PID1: variants seen among roughly 807,000 people sequenced by gnomAD.
PID1 encodes PTB-containing, cubilin and LRP1-interacting protein.
Under a neutral mutation model 19.1 loss-of-function variants are expected in PID1, and 10 were observed. The observed-to-expected ratio is 0.52, with a 90% CI of 0.32 to 0.89. The LOEUF is 0.89. Ranked by LOEUF, PID1 falls within the 40% of genes least tolerant of loss-of-function variation. The probability of loss-of-function intolerance (pLI) is 0.03; values close to 1 mark genes in which losing one functional copy is unlikely to be tolerated. For missense variants in PID1, 248 were observed against 285.3 expected (o/e 0.87, Z 0.94); for synonymous variants, 130 against 116.0 (o/e 1.12, Z -0.78).
At chr2:229,270,957 C>T in intron 1 of PID1, 57 bp downstream of exon 1, 4 of 1,474,098 alleles carry the variant, frequency 2.7e-6, no homozygotes, top group Non-Finnish European at 2.7e-6. Flanking sequence ...AAACTAGGTT[C>T]CTCTGCCCGG....
At chr2:229,204,393 G>C (rs1258774319) in intron 1 of PID1, among the ~76,000 whole-genome samples, 1 of 152,062 alleles carries the variant, frequency 6.6e-6, no homozygotes, top group Admixed American at 6.6e-5. Context: ...CATATACTAA[G>C]TTAATAGTTT....
At chr2:229,166,080 A>T (rs1690591643) in intron 1 of PID1, among the ~76,000 whole-genome samples, 1 of 152,226 alleles carries the variant, frequency 6.6e-6, no homozygotes, top group African/African-American at 2.4e-5. Context: ...AATGTTTCTC[A>T]TCAAGCGAAT....
At chr2:229,232,061 A>C (rs754254032) in intron 1 of PID1, 1 of 1,538,242 alleles carries the variant, frequency 6.5e-7, no homozygotes, top group Non-Finnish European at 8.8e-7. Context: ...ACATGGCACG[A>C]AGCCTCTTGT....
intron 1 of PID1, chr2:229,231,821 C>T (rs1160741293): frequency 5.3e-6 from 8 of 1,515,090 alleles, no homozygotes; most frequent in Admixed American, 2.0e-5. Context: ...AACCTACTTC[C>T]CACTCCTCTT....
At chr2:229,052,146 T>A (rs947843474) in intron 2 of PID1, among the ~76,000 whole-genome samples, 1 of 152,170 alleles carries the variant, frequency 6.6e-6, no homozygotes, top group Admixed American at 6.5e-5. Context: ...TTTAACAACG[T>A]TATAGTGCCA....
At chr2:229,192,183 T>A (rs781529669) in intron 1 of PID1, among the ~76,000 whole-genome samples, 3 of 152,210 alleles carry the variant, frequency 2.0e-5, no homozygotes, top group Non-Finnish European at 2.9e-5. Context: ...GCTCTTTCAA[T>A]ACACAACACG....
intron 1 of PID1, among the ~76,000 whole-genome samples, chr2:229,192,113 CA>C (rs914676254): frequency 1.3e-5 from 2 of 151,358 alleles, no homozygotes; most frequent in African/African-American, 2.4e-5. Context: ...AAAGCCAAAC[CA>C]AAAAAATACA....
intron 1 of PID1, among the ~76,000 whole-genome samples, chr2:229,176,444 G>A (rs1035132734): frequency 3.9e-5 from 6 of 152,144 alleles, no homozygotes; most frequent in African/African-American, 1.4e-4. Flanking sequence ...TTCTATTAGG[G>A]AACCAGGCCT....
chr2:229,110,031 G>T (rs1695265164), intron 2 of PID1, among the ~76,000 whole-genome samples: 1 of 152,194 alleles, frequency 6.6e-6, no homozygotes, highest in Non-Finnish European at 1.5e-5. Context: ...CTTTAAGACT[G>T]CTGCCTCCTC....
chr2:229,118,822 A>C (rs1276281705), intron 2 of PID1, among the ~76,000 whole-genome samples: 2 of 152,186 alleles, frequency 1.3e-5, no homozygotes, highest in African/African-American at 2.4e-5. Flanking sequence ...TGTCTTTTTG[A>C]ACAAGAGAAA....
At chr2:229,116,101 C>A (rs1460142103) in intron 2 of PID1, among the ~76,000 whole-genome samples, 1 of 152,006 alleles carries the variant, frequency 6.6e-6, no homozygotes, top group Non-Finnish European at 1.5e-5. Flanking sequence ...GTGGTGGGTG[C>A]CTGTAGTCCC....
At chr2:229,195,366 CATACATATAAACACACATGTATATACAT>C (rs1691353433) in intron 1 of PID1, among the ~76,000 whole-genome samples, 1 of 151,744 alleles carries the variant, frequency 6.6e-6, no homozygotes, top group East Asian at 1.9e-4. Context: ...CACATACACA[CATACATATAAACACACATGTATATACAT>C]ATACATACAT....
chr2:229,084,386 C>T (rs1334018320), intron 2 of PID1, among the ~76,000 whole-genome samples: 1 of 152,082 alleles, frequency 6.6e-6, no homozygotes, highest in Admixed American at 6.6e-5. Context: ...GTTCCTTATG[C>T]CAATAAGTGG....
rs144807863 is a variant in PID1 at position 229,171,310 on chromosome 2, T to C, written c.31-15346A>G. 3.9e-3 allele frequency among the ~76,000 whole-genome samples: 599 copies of C among 152,304 alleles called. 5 individuals carry two copies. Among genetic ancestry groups the C allele is most frequent in the African/African-American group, 0.014 (566 of 41,572 alleles). The stretch of plus-strand genomic sequence containing the variant: ...GCTTCAAGTGGTCAGGAAGGTGACA[T>C]GCCAGAGCTTTGGCAAGCCAGAGTT... On this transcript the variant is annotated intron_variant, in intron 1 of 2. Coordinates refer to ENST00000392055, the MANE Select transcript of PID1 (RefSeq NM_001100818.2).
chr2:229,232,999 T>G (rs186247449), intron 1 of PID1, among the ~76,000 whole-genome samples: 1 of 152,114 alleles, frequency 6.6e-6, no homozygotes, highest in Non-Finnish European at 1.5e-5. Flanking sequence ...CTAAAACAAG[T>G]GAACAAGTGT....
chr2:229,231,842 C>T, intron 1 of PID1: 1 of 1,539,398 alleles, frequency 6.5e-7, no homozygotes, highest in Non-Finnish European at 8.8e-7. Flanking sequence ...CTTTTACCTC[C>T]TTGTCTTAAT....
At chr2:229,068,304 C>T (rs1694373499) in intron 2 of PID1, among the ~76,000 whole-genome samples, 1 of 152,098 alleles carries the variant, frequency 6.6e-6, no homozygotes, top group African/African-American at 2.4e-5. Flanking sequence ...TGGTGGCTTT[C>T]AGGCTTGTCT....
chr2:229,239,556 TA>T (rs1689814625), intron 1 of PID1, among the ~76,000 whole-genome samples: 1 of 152,090 alleles, frequency 6.6e-6, no homozygotes, highest in Non-Finnish European at 1.5e-5. Flanking sequence ...GTTAGACATC[TA>T]GGGGGTTATG....
chr2:229,087,894 A>G (rs1694801191), intron 2 of PID1, among the ~76,000 whole-genome samples: 1 of 152,176 alleles, frequency 6.6e-6, no homozygotes. Context: ...TCAATTACGT[A>G]TATGGTTCAT....
Sources: gnomAD v4.1 joint callset for allele counts (sites outside exome capture counted in the v4.1 genomes callset) on GRCh38, gnomAD v4.1.1 for gene constraint, MANE v1.5 for transcripts, NCBI Gene and HGNC (gene_info 2026-07-23, HGNC 2026-07-21) for gene names.